The following AGMO variants were observed in gnomAD, a reference collection of about 807,000 sequenced individuals.
AGMO encodes the protein alkylglycerol monooxygenase.
Under a neutral mutation model 60.2 loss-of-function variants are expected in AGMO, and 75 were observed. That is an observed-to-expected ratio of 1.25 (90% CI 1.03 to 1.51). AGMO has a LOEUF of 1.51. Ranked by LOEUF, AGMO falls within the 40% of genes most tolerant of loss-of-function variation. AGMO has a pLI of 0.00. For synonymous variants in AGMO, 261 were observed against 177.1 expected (o/e 1.47, Z -3.76); for missense variants, 763 against 525.5 (o/e 1.45, Z -4.42).
At chr7:15,280,083 A>C (rs1783920405) in intron 12 of AGMO, among the ~76,000 whole-genome samples, 1 of 152,198 alleles carries the variant, frequency 6.6e-6, no homozygotes, top group Non-Finnish European at 1.5e-5. Context: ...GGGGTGAGTG[A>C]GAAGCCTACT....
chr7:15,384,578 A>C (rs1355939043), intron 10 of AGMO, among the ~76,000 whole-genome samples: 1 of 152,158 alleles, frequency 6.6e-6, no homozygotes, highest in Non-Finnish European at 1.5e-5. Context: ...CAATATAACT[A>C]TTATTCAGAG....
intron 10 of AGMO, among the ~76,000 whole-genome samples, chr7:15,367,173 T>C (rs1296811044): frequency 6.6e-6 from 1 of 152,024 alleles, no homozygotes; most frequent in Non-Finnish European, 1.5e-5. Flanking sequence ...TTTGTACTTT[T>C]CTTTAGGAAA....
chr7:15,201,522 ATT>A (rs1376379733), intron 12 of AGMO, among the ~76,000 whole-genome samples, 163 bp from the exon 13 acceptor site: 3 of 152,164 alleles, frequency 2.0e-5, no homozygotes, highest in African/African-American at 7.2e-5. Context: ...AACTTAGCCA[ATT>A]TAACTTAAAA....
At chr7:15,332,380 A>G (rs1048541594) in intron 12 of AGMO, among the ~76,000 whole-genome samples, 3 of 152,176 alleles carry the variant, frequency 2.0e-5, no homozygotes, top group East Asian at 1.9e-4. Context: ...CATGGAGACT[A>G]AAGGTCTGTC....
chr7:15,438,523 A>T (rs1166800358), intron 3 of AGMO, among the ~76,000 whole-genome samples: 1 of 152,204 alleles, frequency 6.6e-6, no homozygotes, highest in Non-Finnish European at 1.5e-5. Flanking sequence ...CTAGCCCCTT[A>T]CCACCTTGAT....
At chr7:15,347,614 CA>C (rs35147127) in intron 12 of AGMO, among the ~76,000 whole-genome samples, 23 of 151,370 alleles carry the variant, frequency 1.5e-4, no homozygotes, top group Admixed American at 1.3e-3. Context: ...ACTGATTTCC[CA>C]AAAAAAATGT....
the AGMO span, among the ~76,000 whole-genome samples, chr7:15,147,070 G>A: frequency 6.6e-6 from 1 of 152,096 alleles, no homozygotes; most frequent in African/African-American, 2.4e-5. Flanking sequence ...CCATGTCTGA[G>A]GTCCCAGCTT....
At position 15,281,775 on chromosome 7, in the gene AGMO, AAAT is replaced by A. The variant is rs774046487; in HGVS notation, c.1264-80419_1264-80417del. Among the ~76,000 whole-genome samples the A allele has an allele frequency of 1.2e-3, 182 of 152,198 alleles. 1 individual carries two copies. The highest frequency in any genetic ancestry group is 5.0e-4 in the Non-Finnish European group (34 of 68,034). ...TGAAGCCTAAACTATTCAACCCAGT[AAAT>A]AAATTATTGAGGGGAAAATAGATTT... On this transcript the variant is annotated intron_variant, in intron 12 of 12. Transcript: ENST00000342526.
At chr7:15,236,143 T>C (rs370015052) in intron 12 of AGMO, among the ~76,000 whole-genome samples, 69 of 152,286 alleles carry the variant, frequency 4.5e-4, no homozygotes, top group African/African-American at 1.5e-3. Context: ...ATATTGTTCA[T>C]GTATAAAGAT....
intron 12 of AGMO, among the ~76,000 whole-genome samples, chr7:15,239,002 A>G (rs1223988727): frequency 3.3e-5 from 5 of 152,154 alleles, no homozygotes. Context: ...CAGATGAGGA[A>G]ACAGAAGCAC....
chr7:15,157,455 G>C, the AGMO span, among the ~76,000 whole-genome samples: 4 of 152,200 alleles, frequency 2.6e-5, no homozygotes, highest in Non-Finnish European at 5.9e-5. Context: ...ACTTGGCTAA[G>C]CTGGAGGTAT....
At chr7:15,388,831 C>T (rs1014576845) in intron 8 of AGMO, among the ~76,000 whole-genome samples, 4 of 152,028 alleles carry the variant, frequency 2.6e-5, no homozygotes, top group Non-Finnish European at 2.9e-5. Context: ...CACAACTTGC[C>T]GGCTTGACAT....
intron 3 of AGMO, among the ~76,000 whole-genome samples, chr7:15,519,346 A>T (rs920827854): frequency 3.9e-5 from 6 of 152,084 alleles, no homozygotes. Context: ...ACCCCAAGAC[A>T]CATAAAGGTC....
At chr7:15,554,938 G>A (rs1348973415) in intron 2 of AGMO, among the ~76,000 whole-genome samples, 4 of 151,884 alleles carry the variant, frequency 2.6e-5, no homozygotes, top group African/African-American at 9.7e-5. Flanking sequence ...TAAGCTGAAT[G>A]AGCCCTAAAA....
chr7:15,229,852 T>C (rs372588671), intron 12 of AGMO, among the ~76,000 whole-genome samples: 1 of 150,714 alleles, frequency 6.6e-6, no homozygotes, highest in Non-Finnish European at 1.5e-5. Flanking sequence ...TTTGATACTG[T>C]AGAATTCAAA....
intron 12 of AGMO, among the ~76,000 whole-genome samples, chr7:15,344,878 T>A (rs1425972548): frequency 6.6e-6 from 1 of 152,178 alleles, no homozygotes; most frequent in East Asian, 1.9e-4. Context: ...GTTACCTTAC[T>A]CTATCACATC....
chr7:15,186,793 A>C, the AGMO span, among the ~76,000 whole-genome samples: 1 of 152,104 alleles, frequency 6.6e-6, no homozygotes, highest in Admixed American at 6.6e-5. Flanking sequence ...CCGCCCCCAC[A>C]TGCTTCCTTC....
chr7:15,464,496 T>C (rs1285753470), intron 3 of AGMO, among the ~76,000 whole-genome samples: 9 of 152,202 alleles, frequency 5.9e-5, no homozygotes, highest in African/African-American at 2.2e-4. Flanking sequence ...GTTCACGAAT[T>C]ACTTAATTCC....
chr7:15,279,433 C>G lies in AGMO; in HGVS notation c.1264-78074G>C, dbSNP rs538108383. On this transcript the variant is annotated intron_variant, in intron 12 of 12. Transcript: ENST00000342526. ...TGACAGAGGTGTCCACTAGCTGCTT[C>G]TAGTCAACCATCTTGAACTGGAATG... Among the ~76,000 whole-genome samples, 4 of 152,210 alleles carry G rather than the reference C, an allele frequency of 2.6e-5. No individual in the cohort carries two copies. The South Asian group carries it at 8.3e-4, about 32-fold the overall frequency.
Sources: allele counts gnomAD v4.1 joint callset (sites outside exome capture counted in the v4.1 genomes callset), GRCh38; gene constraint gnomAD v4.1.1; transcripts MANE v1.5; gene names NCBI Gene and HGNC (gene_info 2026-07-23, HGNC 2026-07-21).